The following ZNF589 variants were observed in gnomAD, a reference collection of about 807,000 sequenced individuals.
ZNF589 encodes zinc finger protein 589.
Under a neutral mutation model 13.6 loss-of-function variants are expected in ZNF589, and 17 were observed. That is an observed-to-expected ratio of 1.25 (90% confidence interval 0.86 to 1.88). The LOEUF (loss-of-function observed/expected upper bound fraction) is 1.88, where lower values mean the gene tolerates loss of function less well. ZNF589 is among the 40% of genes most tolerant of loss of function. ZNF589 has a pLI of 0.00. For missense variants in ZNF589, 407 were observed against 434.0 expected, an observed-to-expected ratio of 0.94 and a Z score of 0.55; for synonymous variants, 148 against 161.6, an observed-to-expected ratio of 0.92 and a Z score of 0.64.
chr3:48,247,765 G>A (rs1040907497), intron 2 of ZNF589, 88 bp downstream of exon 2: 97 of 1,472,414 alleles, frequency 6.6e-5, no homozygotes, highest in Non-Finnish European at 7.8e-5. Context: ...AAGGGAGGAA[G>A]TGATTAACAT....
At chr3:48,265,311 G>A (rs1429872614) in intron 3 of ZNF589, among the ~76,000 whole-genome samples, 23 of 84,746 alleles carry the variant, frequency 2.7e-4, no homozygotes, top group African/African-American at 1.0e-3. Context: ...TGGAGACAGA[G>A]TTTCACTCTT....
intron 1 of ZNF589, among the ~76,000 whole-genome samples, chr3:48,243,533 C>A (rs994183242): frequency 6.6e-6 from 1 of 151,902 alleles, no homozygotes; most frequent in African/African-American, 2.4e-5. Context: ...GACAATGGAC[C>A]GGGCGCGGTG....
chr3:48,259,597 G>A (rs2033946123), intron 2 of ZNF589, among the ~76,000 whole-genome samples: 1 of 152,218 alleles, frequency 6.6e-6, no homozygotes, highest in South Asian at 2.1e-4. Flanking sequence ...GAGGTACTCA[G>A]GGTAATCAGA....
chr3:48,258,315 T>A (rs1010383248), intron 2 of ZNF589, among the ~76,000 whole-genome samples: 1 of 152,214 alleles, frequency 6.6e-6, no homozygotes, highest in Non-Finnish European at 1.5e-5. Flanking sequence ...AATTTCAGTT[T>A]CCACATGGTC....
In ZNF589 at chr3:48,267,421, G is replaced by T. The variant is rs866486322; in HGVS notation, c.224-494G>T. Among the ~76,000 whole-genome samples, 5 of 149,540 alleles carry T rather than the reference G, an allele frequency of 3.3e-5. No homozygotes were observed. In the East Asian group the frequency reaches 7.8e-4, roughly 23 times the overall value. On this transcript the variant is annotated intron_variant, in intron 3 of 3. Coordinates refer to ENST00000354698, the MANE Select transcript of ZNF589 (RefSeq NM_016089.3). ...AAGAATTTTTTTTTTTTTTTGAGAC[G>T]GAGTCTCACTCTGTCGCCAGGCTGG... is the stretch of plus-strand genomic sequence containing the variant.
rs978816560 is a variant in ZNF589 at position 48,264,336 on chromosome 3, C to T, written c.223+3397C>T. Among the ~76,000 whole-genome samples, 11 of 151,520 alleles carry T rather than the reference C, an allele frequency of 7.3e-5. No individual in the cohort carries two copies. In the South Asian group the frequency reaches 8.4e-4, roughly 12 times the overall value. On this transcript the variant is annotated intron_variant, in intron 3 of 3. Transcript: ENST00000354698. ...GATCATGAGGTCAGGATTTCGAGAC[C>T]GGCATGACCAACATGGTGAAACCCT...
chr3:48,266,207 G>T (rs1004653140), intron 3 of ZNF589, among the ~76,000 whole-genome samples: 1 of 152,184 alleles, frequency 6.6e-6, no homozygotes, highest in African/African-American at 2.4e-5. Flanking sequence ...TAAGCCCCCT[G>T]ACATAGATGC....
At chr3:48,251,387 A>G (rs555938809) in intron 2 of ZNF589, among the ~76,000 whole-genome samples, 66 of 146,456 alleles carry the variant, frequency 4.5e-4, no homozygotes, top group Non-Finnish European at 8.5e-4. Context: ...ACAGAGCAAG[A>G]CTCCATCTCA....
intron 2 of ZNF589, among the ~76,000 whole-genome samples, chr3:48,252,873 C>T (rs2033855161): frequency 6.6e-6 from 1 of 152,100 alleles, no homozygotes; most frequent in Non-Finnish European, 1.5e-5. Flanking sequence ...CCACACGCCT[C>T]CCAGAGTGCT....
chr3:48,264,189 T>G (rs1035505839), intron 3 of ZNF589, among the ~76,000 whole-genome samples: 17 of 152,152 alleles, frequency 1.1e-4, no homozygotes, highest in Middle Eastern at 3.2e-3. Flanking sequence ...CTGAACATTA[T>G]GGACTTTCTT....
At chr3:48,258,987 A>C (rs573592041) in intron 2 of ZNF589, among the ~76,000 whole-genome samples, 21 of 152,202 alleles carry the variant, frequency 1.4e-4, no homozygotes, top group Non-Finnish European at 2.4e-4. Context: ...GGCTTGAACA[A>C]GAGAAATTAT....
intron 2 of ZNF589, among the ~76,000 whole-genome samples, chr3:48,253,498 C>CT (rs59231973): frequency 1.6e-4 from 15 of 95,276 alleles, no homozygotes; most frequent in South Asian, 3.6e-4. Flanking sequence ...TCATATTTTT[C>CT]TTTTTTTTTT....
At chr3:48,250,695 C>T (rs1047083368) in intron 2 of ZNF589, among the ~76,000 whole-genome samples, 32 of 151,378 alleles carry the variant, frequency 2.1e-4, no homozygotes, top group Non-Finnish European at 2.9e-5. Flanking sequence ...TGGTCTCGAA[C>T]TCCTGACCTC....
At position 48,270,410 on chromosome 3, in the gene ZNF589, G is replaced by C. The variant is rs2034077552; in HGVS notation, c.*1624G>C. 8.3e-6 allele frequency: 3 copies of C among 361,778 alleles called. No homozygotes were observed. The highest frequency in any genetic ancestry group is 1.6e-5 in the Non-Finnish European group (3 of 184,920). 22.4% of individuals were successfully genotyped at this position (361,778 alleles called of 1,614,324 possible). ...CAGGTTTAAGGGTATTTTAAACACA[G>C]CTCCTCTTAAATCCTCCAATCTCAG... is the stretch of plus-strand genomic sequence containing the variant. On this transcript the variant is annotated 3_prime_UTR_variant, in exon 4 of 4. Transcript: ENST00000354698.
At chr3:48,267,006 A>G (rs575413252) in intron 3 of ZNF589, among the ~76,000 whole-genome samples, 26 of 152,348 alleles carry the variant, frequency 1.7e-4, no homozygotes, top group South Asian at 6.2e-4. Flanking sequence ...ATGTCCCCCA[A>G]TGTAGAATGC....
At chr3:48,256,998 C>G in intron 2 of ZNF589, 1 of 584,306 alleles carries the variant, frequency 1.7e-6, no homozygotes, top group Non-Finnish European at 3.2e-6. Context: ...ACCAGCTTTG[C>G]AGAACTATAA....
In ZNF589 at chr3:48,253,821, A is replaced by T. The variant is rs62263025; in HGVS notation, c.96+6144A>T. Among the ~76,000 whole-genome samples, 1,058 of 152,142 alleles carry T rather than the reference A, an allele frequency of 7.0e-3. 3 individuals carry two copies. Among genetic ancestry groups the T allele is most frequent in the Non-Finnish European group, 0.012 (788 of 68,000 alleles). On this transcript the variant is annotated intron_variant, in intron 2 of 3. Transcript: ENST00000354698. ...CCGGCGCTAGTCAGATATTTTGTAG[A>T]TTGTCCCTTACTTGGGATTTGTTTG... is the stretch of plus-strand genomic sequence containing the variant.
rs2034064685 is a variant in ZNF589 at position 48,269,418 on chromosome 3, A to C, written c.*632A>C. On this transcript the variant is annotated 3_prime_UTR_variant, in exon 4 of 4. Transcript: ENST00000354698. ...AAATCAACTCTCCTCGCACACGAGC[A>C]GACACATTCAGGGGAGAAGCCTTAT... 1 of 411,766 alleles carries C rather than the reference A, an allele frequency of 2.4e-6. No individual in the cohort carries two copies. The highest frequency in any genetic ancestry group is 2.2e-5 in the African/African-American group (1 of 45,830). 25.5% of individuals were successfully genotyped at this position (411,766 alleles called of 1,614,324 possible).
At position 48,270,272 on chromosome 3, in the gene ZNF589, A is replaced by T. The variant is rs2034076173; in HGVS notation, c.*1486A>T. Reference sequence around the variant, plus strand: ...CTAACCCTCCAGTCCCAAATCCAAGATTCTTTAACCACACTCTAAAAGTTC... The same window carrying T: ...CTAACCCTCCAGTCCCAAATCCAAGTTTCTTTAACCACACTCTAAAAGTTC... On this transcript the variant is annotated 3_prime_UTR_variant, in exon 4 of 4. Coordinates refer to ENST00000354698, the MANE Select transcript of ZNF589 (RefSeq NM_016089.3). 1 of 456,116 alleles carries T rather than the reference A, an allele frequency of 2.2e-6. No homozygotes were observed. Among genetic ancestry groups the T allele is most frequent in the Non-Finnish European group, 4.4e-6 (1 of 226,504 alleles). 28.3% of individuals were successfully genotyped at this position (456,116 alleles called of 1,614,324 possible).
Sources: gnomAD v4.1 joint callset for allele counts (sites outside exome capture counted in the v4.1 genomes callset) on GRCh38, gnomAD v4.1.1 for gene constraint, MANE v1.5 for transcripts, NCBI Gene and HGNC (gene_info 2026-07-23, HGNC 2026-07-21) for gene names.